The following ANK3 variants were observed in gnomAD, a reference collection of about 807,000 sequenced individuals.
The protein encoded by ANK3 is ankyrin-3.
ANK3 carries 57 observed loss-of-function variants against 370.9 expected under a neutral mutation model. That is an observed-to-expected ratio of 0.15 (90% confidence interval 0.12 to 0.19). The LOEUF (loss-of-function observed/expected upper bound fraction) is 0.19, where lower values mean the gene tolerates loss of function less well. Ranked by LOEUF, ANK3 falls within the 10% of genes least tolerant of loss-of-function variation. The pLI, the probability that ANK3 is intolerant of heterozygous loss-of-function variation, is 1.00. For synonymous variants in ANK3, 1,929 were observed against 1,946.3 expected (o/e 0.99, Z 0.23); for missense variants, 4,439 against 5,302.1 (o/e 0.84, Z 5.06).
intron 1 of ANK3, 30 bp downstream of exon 1, chr10:60,389,395 C>A (rs756488128): frequency 6.3e-7 from 1 of 1,596,484 alleles, no homozygotes; most frequent in South Asian, 1.1e-5. Flanking sequence ...AGAATCCAGG[C>A]AAGATATATG....
intron 41 of ANK3, 133 bp from the exon 42 acceptor site, chr10:60,056,169 G>A (rs2079119625): frequency 8.8e-7 from 1 of 1,134,868 alleles, no homozygotes; most frequent in Non-Finnish European, 1.2e-6. Flanking sequence ...GAAAAGTGTG[G>A]CCACTGGATT....
At chr10:60,096,767 AAAAT>A (rs1422809842) in intron 28 of ANK3, among the ~76,000 whole-genome samples, 1 of 152,248 alleles carries the variant, frequency 6.6e-6, no homozygotes, top group East Asian at 1.9e-4. Context: ...CTTATTGGCA[AAAAT>A]AAATATTCAT....
At chr10:60,217,430 TG>T (rs1308896477) in intron 8 of ANK3, among the ~76,000 whole-genome samples, 1 of 152,200 alleles carries the variant, frequency 6.6e-6, no homozygotes, top group Non-Finnish European at 1.5e-5. Context: ...CTGCTTTAGT[TG>T]CCTCCTAGAG....
chr10:60,503,325 A>G (rs2075854185), intron 2 of ANK3, among the ~76,000 whole-genome samples: 1 of 152,194 alleles, frequency 6.6e-6, no homozygotes, highest in Non-Finnish European at 1.5e-5. Flanking sequence ...AGTTACAATC[A>G]ATAATAAAAC....
chr10:60,122,994 G>A (rs1248129645), intron 25 of ANK3, among the ~76,000 whole-genome samples: 2 of 152,146 alleles, frequency 1.3e-5, no homozygotes. Flanking sequence ...TCAATGGTAA[G>A]GACTGACCTA....
chr10:60,464,413 C>T (rs971139975), intron 2 of ANK3, among the ~76,000 whole-genome samples: 2 of 152,066 alleles, frequency 1.3e-5, no homozygotes, highest in East Asian at 1.9e-4. Flanking sequence ...TAATAACCTG[C>T]TATTTATTCC....
chr10:60,703,338 G>A (rs1182138999), intron 1 of ANK3, among the ~76,000 whole-genome samples: 1 of 152,116 alleles, frequency 6.6e-6, no homozygotes, highest in African/African-American at 2.4e-5. Context: ...AATATGTGGG[G>A]CTGAAATGTT....
intron 16 of ANK3, among the ~76,000 whole-genome samples, chr10:60,190,848 T>C (rs1479948781): frequency 6.6e-6 from 1 of 152,132 alleles, no homozygotes; most frequent in East Asian, 1.9e-4. Context: ...TACAAGGCTA[T>C]AGTAACCAAA....
At chr10:60,396,055 C>T (rs529838221) in intron 2 of ANK3, among the ~76,000 whole-genome samples, 12 of 152,256 alleles carry the variant, frequency 7.9e-5, no homozygotes, top group African/African-American at 2.6e-4. Context: ...CCCTTTACGC[C>T]CTGGCTACTA....
intron 2 of ANK3, among the ~76,000 whole-genome samples, chr10:60,592,539 C>T (rs571028577): frequency 6.6e-6 from 1 of 152,172 alleles, no homozygotes; most frequent in Non-Finnish European, 1.5e-5. Flanking sequence ...GCGGGTGGAT[C>T]ACCTGAGGTC....
At chr10:60,563,619 G>A (rs2077390592) in intron 2 of ANK3, among the ~76,000 whole-genome samples, 1 of 152,250 alleles carries the variant, frequency 6.6e-6, no homozygotes, top group South Asian at 2.1e-4. Flanking sequence ...GGTCAGATCA[G>A]GTTTTGCTAC....
chr10:60,704,616 C>A (rs1024777062), intron 1 of ANK3, among the ~76,000 whole-genome samples: 1 of 152,130 alleles, frequency 6.6e-6, no homozygotes, highest in Non-Finnish European at 1.5e-5. Context: ...CCTGACCTTT[C>A]CCAACAAAGA....
intron 2 of ANK3, among the ~76,000 whole-genome samples, chr10:60,520,477 T>C (rs1162697638): frequency 2.6e-5 from 4 of 152,124 alleles, no homozygotes; most frequent in Non-Finnish European, 4.4e-5. Context: ...TCCATTCCAA[T>C]CCATTCATAG....
In ANK3 at chr10:60,547,471, C is replaced by T. The variant is rs1344405981; in HGVS notation, c.96+67715G>A. 3.3e-5 allele frequency among the ~76,000 whole-genome samples: 5 copies of T among 152,084 alleles called. No homozygotes were observed. In the East Asian group the frequency reaches 9.7e-4, roughly 29 times the overall value. On this transcript the variant is annotated intron_variant, in intron 2 of 43. Transcript: ENST00000373827. ...GCTGGAGTGGCGCGATCTCGGCTCA[C>T]TGCAACCTCCACCTCCTGGGTTCAA...
intron 1 of ANK3, among the ~76,000 whole-genome samples, chr10:60,365,910 G>A (rs1418586383): frequency 6.6e-6 from 1 of 152,098 alleles, no homozygotes; most frequent in African/African-American, 2.4e-5. Context: ...AGTGGTAACA[G>A]TAATAATAAT....
intron 1 of ANK3, among the ~76,000 whole-genome samples, chr10:60,720,044 A>G (rs960621371): frequency 4.6e-5 from 7 of 152,206 alleles, no homozygotes; most frequent in African/African-American, 1.7e-4. Context: ...CCATCATTTT[A>G]TTACAAGAGG....
chr10:60,248,237 T>A (rs1459318961), intron 7 of ANK3, among the ~76,000 whole-genome samples: 2 of 152,208 alleles, frequency 1.3e-5, no homozygotes, highest in East Asian at 3.9e-4. Context: ...ATTAACTTTC[T>A]GAGGAAATGA....
At chr10:60,461,819 T>C (rs1239403160) in intron 2 of ANK3, among the ~76,000 whole-genome samples, 2 of 152,082 alleles carry the variant, frequency 1.3e-5, no homozygotes, top group African/African-American at 2.4e-5. Context: ...AGTAAAGAGA[T>C]TGATATGAAA....
intron 9 of ANK3, among the ~76,000 whole-genome samples, chr10:60,209,094 C>T (rs1049950847): frequency 6.6e-6 from 1 of 152,162 alleles, no homozygotes; most frequent in Non-Finnish European, 1.5e-5. Context: ...GAAGGCAAAA[C>T]AAGCTATGAA....
Sources: allele counts gnomAD v4.1 joint callset (sites outside exome capture counted in the v4.1 genomes callset), GRCh38; gene constraint gnomAD v4.1.1; transcripts MANE v1.5; gene names NCBI Gene and HGNC (gene_info 2026-07-23, HGNC 2026-07-21).